Variants in KIF3A observed in about 807,000 individuals in gnomAD.
The protein encoded by KIF3A is kinesin-like protein KIF3A.
In KIF3A, 27 loss-of-function variants were observed where a neutral mutation model predicts 92.6. The ratio of observed to expected loss-of-function variants is 0.29; its 90% confidence interval spans 0.21 to 0.40. The LOEUF (loss-of-function observed/expected upper bound fraction) is 0.40. Among genes scored for constraint, KIF3A ranks in the 10% least tolerant of loss-of-function variants. The pLI is 1.00. For missense variants in KIF3A, 581 were observed against 872.6 expected (o/e 0.67, Z 4.21); for synonymous variants, 250 against 275.4 (o/e 0.91, Z 0.92).
At position 132,696,582 on chromosome 5, in the gene KIF3A, TC is replaced by T; in HGVS notation, c.*51del. 1 of 1,085,352 alleles carries T rather than the reference TC, an allele frequency of 9.2e-7. No individual in the cohort carries two copies. Among genetic ancestry groups the T allele is most frequent in the Non-Finnish European group, 1.4e-6 (1 of 713,714 alleles). The allele number at this position is 1,085,352 out of a possible 1,614,324, so 67.2% of individuals were successfully genotyped here. On this transcript the variant is annotated 3_prime_UTR_variant, in exon 19 of 19. Coordinates refer to ENST00000403231, the MANE Select transcript of KIF3A (RefSeq NM_001300791.2). ...TTCACTGTTTTAATTAAAGATTTTG[TC>T]CAGGCATGAGAATATCACTAATTTT...
chr5:132,692,779 T>C lies in KIF3A; in HGVS notation c.*3855A>G, dbSNP rs1379684215. The stretch of plus-strand genomic sequence containing the variant: ...ATGCAACAAACTGTAATTTGTAATT[T>C]TGGCCAGCATACAGTATTATAGTAA... On this transcript the variant is annotated 3_prime_UTR_variant, in exon 19 of 19. Transcript: ENST00000403231. The C allele has an allele frequency of 6.5e-6, 1 of 152,738 alleles. No individual in the cohort carries two copies. The highest frequency in any genetic ancestry group is 1.5e-5 in the Non-Finnish European group (1 of 68,046). 9.5% of individuals were successfully genotyped at this position (152,738 alleles called of 1,614,324 possible). A position where few individuals can be genotyped will look rare whatever the true frequency, so the allele number is the denominator to read the frequency against.
chr5:132,715,727 A>C, intron 8 of KIF3A, 30 bp downstream of exon 8: 1 of 1,545,780 alleles, frequency 6.5e-7, no homozygotes, highest in Admixed American at 1.8e-5. Flanking sequence ...TTTAGCCAAC[A>C]TAAAGATTAA....
chr5:132,708,935 TATGACAGAAC>T lies in KIF3A; in HGVS notation c.1262_1271del (p.Cys421Ter). The T allele has an allele frequency of 6.5e-7, 1 of 1,550,262 alleles. No homozygotes were observed. Among genetic ancestry groups the T allele is most frequent in the Non-Finnish European group, 8.7e-7 (1 of 1,146,746 alleles). ...GCAAGAACTTATCCAGAGGTTTCTC[TATGACAGAAC>T]ATGTGGAGTCTGAACTACTGCTGCT... On this transcript the variant is annotated frameshift_variant, in exon 10 of 19. Coordinates refer to ENST00000403231, the MANE Select transcript of KIF3A (RefSeq NM_001300791.2). LOFTEE classifies it high-confidence loss of function.
intron 18 of KIF3A, 29 bp downstream of exon 18, chr5:132,699,142 G>C: frequency 6.2e-7 from 1 of 1,608,874 alleles, no homozygotes; most frequent in Non-Finnish European, 8.5e-7. Context: ...CAATGCCTTC[G>C]TTTTACCAGA....
chr5:132,727,605 G>A (rs1056029615), intron 2 of KIF3A, among the ~76,000 whole-genome samples: 1 of 152,154 alleles, frequency 6.6e-6, no homozygotes. Context: ...TAGAGAAACT[G>A]ACAATGCCAT....
chr5:132,715,684 T>C (rs1030686820), intron 8 of KIF3A, 73 bp downstream of exon 8: 49 of 1,172,170 alleles, frequency 4.2e-5, no homozygotes, highest in Non-Finnish European at 4.2e-5. Flanking sequence ...TAGAGGGCTT[T>C]TGTTAGAACA....
intron 2 of KIF3A, among the ~76,000 whole-genome samples, chr5:132,731,700 A>C (rs73261431): frequency 6.2e-4 from 94 of 151,898 alleles, no homozygotes; most frequent in African/African-American, 2.3e-3. Context: ...AACTGTCTTT[A>C]CTTGCAAACA....
chr5:132,699,044 T>C (rs1752934651), intron 18 of KIF3A, 127 bp downstream of exon 18: 1 of 1,008,818 alleles, frequency 9.9e-7, no homozygotes, highest in East Asian at 2.5e-5. Context: ...AGCCAGGAAT[T>C]TGATTTTTAA....
At chr5:132,722,479 G>A (rs1385332499) in intron 4 of KIF3A, among the ~76,000 whole-genome samples, 1 of 152,148 alleles carries the variant, frequency 6.6e-6, no homozygotes, top group Admixed American at 6.6e-5. Context: ...TTATTGACAG[G>A]CAGGGACCAG....
chr5:132,699,036 C>T lies in KIF3A; in HGVS notation c.2132+135G>A, dbSNP rs1180105097. 6 of 916,254 alleles carry T rather than the reference C, an allele frequency of 6.5e-6. No individual in the cohort carries two copies. The African/African-American group carries it at 1.0e-4, about 15-fold the overall frequency. 56.8% of individuals were successfully genotyped at this position (916,254 alleles called of 1,614,324 possible). On this transcript the variant is annotated intron_variant, in intron 18 of 18. Transcript: ENST00000403231. ...TACAGGCGTGAGCCACTGTGCCCAG[C>T]CAGGAATTTGATTTTTAATAAATCA...
intron 2 of KIF3A, among the ~76,000 whole-genome samples, chr5:132,732,888 G>A (rs1170302619): frequency 3.3e-5 from 5 of 150,144 alleles, no homozygotes; most frequent in African/African-American, 1.2e-4. Flanking sequence ...CAGCCTGGGC[G>A]ACAGAGCAAG....
At chr5:132,724,829 ATATATATATATATATATATATATATATT>A (rs1216795873) in intron 4 of KIF3A, among the ~76,000 whole-genome samples, 851 of 42,386 alleles carry the variant, frequency 0.02, 49 homozygotes, top group Middle Eastern at 0.037. Context: ...ATATATATAT[ATATATATATATATATATATATATATATT>A]AAAAAATCAT....
chr5:132,699,988 C>T (rs1392722031), intron 17 of KIF3A, among the ~76,000 whole-genome samples: 1 of 152,126 alleles, frequency 6.6e-6, no homozygotes, highest in Non-Finnish European at 1.5e-5. Context: ...AGAGTGAGTC[C>T]ATGCCCCTCT....
At chr5:132,715,987 A>T in intron 7 of KIF3A, 56 bp from the exon 8 acceptor site, 2 of 1,230,468 alleles carry the variant, frequency 1.6e-6, no homozygotes, top group Non-Finnish European at 2.3e-6. Flanking sequence ...GTTAAAATTA[A>T]TACTACCATT....
intron 16 of KIF3A, 49 bp from the exon 17 acceptor site, chr5:132,700,333 A>G: frequency 9.1e-7 from 1 of 1,093,414 alleles, no homozygotes; most frequent in East Asian, 2.4e-5. Context: ...ATTAGTAATC[A>G]ATACTGTGAG....
Position 132,720,667 on chromosome 5 carries a change from A to G in KIF3A, c.558T>C (p.Ala186=). 2 of 1,612,568 alleles carry G rather than the reference A, an allele frequency of 1.2e-6. No homozygotes were observed. The highest frequency in any genetic ancestry group is 1.7e-6 in the Non-Finnish European group (2 of 1,179,074). ...TATCATCAGCATTATTTACCACATAAGCTGATAAATCTTTGATATAAACTC... is the reference window on the plus strand; with the variant it reads ...TATCATCAGCATTATTTACCACATAGGCTGATAAATCTTTGATATAAACTC... ...DVGVYIKDLS[A]YVVNNADDMD... The change falls in exon 5 of 19, where the codon GCT becomes GCC. Residue 186 remains alanine (A), a synonymous_variant. Transcript: ENST00000403231.
intron 9 of KIF3A, among the ~76,000 whole-genome samples, chr5:132,710,670 A>C (rs1443906104): frequency 6.6e-6 from 1 of 152,184 alleles, no homozygotes; most frequent in Non-Finnish European, 1.5e-5. Context: ...ACACAGATGT[A>C]AGTCCCTACA....
At chr5:132,698,422 CAAAGG>C (rs1481563281) in intron 18 of KIF3A, among the ~76,000 whole-genome samples, 3 of 152,090 alleles carry the variant, frequency 2.0e-5, no homozygotes, top group Non-Finnish European at 4.4e-5. Flanking sequence ...AACCAGTGCC[CAAAGG>C]AGAGGGGGAA....
chr5:132,699,397 CAG>C (rs1561689139), intron 17 of KIF3A, 102 bp from the exon 18 acceptor site: 6 of 1,193,420 alleles, frequency 5.0e-6, no homozygotes, highest in Non-Finnish European at 7.2e-6. Flanking sequence ...ATCAAACCCA[CAG>C]AAGCTAAAAC....
Sources: allele counts gnomAD v4.1 joint callset (sites outside exome capture counted in the v4.1 genomes callset), GRCh38; gene constraint gnomAD v4.1.1; transcripts MANE v1.5; gene names NCBI Gene and HGNC (gene_info 2026-07-23, HGNC 2026-07-21).